Variants in ADGRV1 observed in about 807,000 individuals in gnomAD.
ADGRV1 encodes G-protein coupled receptor 98.
ADGRV1 carries 359 observed loss-of-function variants against 596.2 expected under a neutral mutation model. The observed-to-expected ratio is 0.60, with a 90% CI of 0.55 to 0.66. The LOEUF (loss-of-function observed/expected upper bound fraction) is 0.66. Ranked by LOEUF, ADGRV1 falls within the 30% of genes least tolerant of loss-of-function variation. The pLI is 0.00. For synonymous variants in ADGRV1, 2,681 were observed against 2,679.2 expected, an observed-to-expected ratio of 1.00 and a Z score of -0.02; for missense variants, 7,274 against 7,575.6, an observed-to-expected ratio of 0.96 and a Z score of 1.48.
intron 85 of ADGRV1, among the ~76,000 whole-genome samples, chr5:91,054,112 A>G (rs952017337): frequency 6.7e-6 from 1 of 149,282 alleles, no homozygotes; most frequent in African/African-American, 2.5e-5. Context: ...TGAGAGAGAG[A>G]GAGAGAGAGA....
chr5:90,941,402 A>G (rs983139819), intron 83 of ADGRV1, among the ~76,000 whole-genome samples: 8 of 152,206 alleles, frequency 5.3e-5, no homozygotes, highest in African/African-American at 1.9e-4. Context: ...AATGAGAATG[A>G]CTTTTAAGAA....
At chr5:91,079,748 C>T (rs1789174819) in intron 86 of ADGRV1, among the ~76,000 whole-genome samples, 1 of 152,170 alleles carries the variant, frequency 6.6e-6, no homozygotes, top group Non-Finnish European at 1.5e-5. Flanking sequence ...TGCCTTTTAC[C>T]AGTCTCAATT....
At chr5:91,116,529 T>A (rs556347685) in intron 87 of ADGRV1, among the ~76,000 whole-genome samples, 3 of 152,210 alleles carry the variant, frequency 2.0e-5, no homozygotes, top group Non-Finnish European at 2.9e-5. Flanking sequence ...TAGTGTATCA[T>A]TGAAATCAGT....
rs957069814 is a variant in ADGRV1 at position 90,818,674 on chromosome 5, A to C, written c.16196+2938A>C. On this transcript the variant is annotated intron_variant, in intron 75 of 89. Coordinates refer to ENST00000405460, the MANE Select transcript of ADGRV1 (RefSeq NM_032119.4). Reference sequence around the variant, plus strand: ...TTTTTCTGCATCTATTGAGATAATCATGTGGTTTTTGTCTTTGGCTCTGTT... The same window carrying C: ...TTTTTCTGCATCTATTGAGATAATCCTGTGGTTTTTGTCTTTGGCTCTGTT... Among the ~76,000 whole-genome samples the C allele has an allele frequency of 4.9e-4, 73 of 149,512 alleles. No individual in the cohort carries two copies. The Middle Eastern group carries it at 0.011, about 22-fold the overall frequency.
At chr5:91,045,878 A>G (rs1785763197) in intron 85 of ADGRV1, among the ~76,000 whole-genome samples, 1 of 152,204 alleles carries the variant, frequency 6.6e-6, no homozygotes, top group Non-Finnish European at 1.5e-5. Context: ...ATACACCAAC[A>G]GCGACCAAGC....
chr5:90,948,738 T>C (rs114391699), intron 83 of ADGRV1, among the ~76,000 whole-genome samples: 1,723 of 152,198 alleles, frequency 0.011, 34 homozygotes, highest in African/African-American at 0.039. Flanking sequence ...CACAAAATCA[T>C]CTAACGCAAA....
intron 7 of ADGRV1, 74 bp from the exon 8 acceptor site, chr5:90,628,488 G>T: frequency 7.9e-7 from 1 of 1,265,204 alleles, no homozygotes; most frequent in South Asian, 1.2e-5. Flanking sequence ...TGGACAACTT[G>T]ACATTGGGAA....
intron 83 of ADGRV1, among the ~76,000 whole-genome samples, chr5:90,926,639 T>A (rs1463408575): frequency 6.6e-6 from 1 of 151,942 alleles, no homozygotes; most frequent in Non-Finnish European, 1.5e-5. Context: ...TTCCTTCAGT[T>A]CTGCTCTGAT....
At position 90,783,928 on chromosome 5, in the gene ADGRV1, TAA is replaced by T; in HGVS notation, c.13525_13526del (p.Lys4509GlufsTer2). On this transcript the variant is annotated frameshift_variant, in exon 67 of 90. Coordinates refer to ENST00000405460, the MANE Select transcript of ADGRV1 (RefSeq NM_032119.4). LOFTEE classifies it high-confidence loss of function. ...ACCTAGTGAGCAGAATCATAATAGC[TAA>T]GAGTGACTCTCCCTTTGGAGTTATA... Reference protein sequence around the residue: ...RHLVSRIIIAKSDSPFGVIRF... With the variant: ...RHLVSRIIIAXSDSPFGVIRF... 1 of 1,612,492 alleles carries T rather than the reference TAA, an allele frequency of 6.2e-7. No individual in the cohort carries two copies. Among genetic ancestry groups the T allele is most frequent in the East Asian group, 2.2e-5 (1 of 44,824 alleles).
intron 87 of ADGRV1, among the ~76,000 whole-genome samples, chr5:91,128,778 A>C (rs1248864973): frequency 2.6e-5 from 4 of 152,202 alleles, no homozygotes; most frequent in Non-Finnish European, 5.9e-5. Flanking sequence ...TGTGTTCCCA[A>C]TACTTAGCAC....
At chr5:90,987,469 C>CAAAA (rs11442398) in intron 85 of ADGRV1, among the ~76,000 whole-genome samples, 2 of 94,966 alleles carry the variant, frequency 2.1e-5, no homozygotes, top group African/African-American at 3.7e-5. Context: ...GACTCTGACT[C>CAAAA]AAAAAAAAAA....
chr5:90,926,391 T>G (rs1393573327), intron 83 of ADGRV1, among the ~76,000 whole-genome samples: 1 of 149,298 alleles, frequency 6.7e-6, no homozygotes, highest in Non-Finnish European at 1.5e-5. Context: ...ATTTATCCAT[T>G]TCTTCTAGAT....
intron 2 of ADGRV1, among the ~76,000 whole-genome samples, chr5:90,615,538 A>AT (rs1466862079): frequency 2.3e-4 from 35 of 152,052 alleles, no homozygotes; most frequent in African/African-American, 7.7e-4. Flanking sequence ...TTGTGTGTGC[A>AT]TAAGTATGTG....
intron 85 of ADGRV1, among the ~76,000 whole-genome samples, chr5:91,062,379 G>A (rs937397112): frequency 2.0e-5 from 3 of 152,208 alleles, no homozygotes; most frequent in African/African-American, 7.2e-5. Context: ...AAGAATCGTT[G>A]TCTCTGAGGC....
chr5:90,725,810 G>A (rs1187004502), intron 48 of ADGRV1, among the ~76,000 whole-genome samples, 154 bp downstream of exon 48: 1 of 152,076 alleles, frequency 6.6e-6, no homozygotes, highest in African/African-American at 2.4e-5. Context: ...TTAGTTAAAA[G>A]TTAATTTTTA....
At chr5:90,818,044 G>A (rs1039667797) in intron 75 of ADGRV1, among the ~76,000 whole-genome samples, 1 of 151,770 alleles carries the variant, frequency 6.6e-6, no homozygotes, top group Admixed American at 6.6e-5. Context: ...TCCTACCCAT[G>A]AGCATGGAAT....
chr5:90,623,295 C>A (rs1167569729), intron 5 of ADGRV1, among the ~76,000 whole-genome samples: 1 of 152,150 alleles, frequency 6.6e-6, no homozygotes, highest in Non-Finnish European at 1.5e-5. Context: ...AATGTTAATT[C>A]TATAAAATTC....
chr5:90,904,812 G>A (rs1054810866), intron 83 of ADGRV1, among the ~76,000 whole-genome samples: 2 of 152,096 alleles, frequency 1.3e-5, no homozygotes, highest in Non-Finnish European at 1.5e-5. Context: ...ATTTTGCCTA[G>A]ACCAATGTCC....
chr5:90,696,992 T>C lies in ADGRV1; in HGVS notation c.8001T>C (p.Asp2667=), dbSNP rs2149656502. ...LTILDDSEPE[D]DESIIVSLVY... is the part of the protein sequence containing the mutation. ...TCTTGGATGACTCTGAACCAGAGGA[T>C]GACGAAAGTATCATAGTTAGTTTGG... The change falls in exon 34 of 90, where the codon GAT becomes GAC. Residue 2667 remains aspartate, a synonymous_variant. Coordinates refer to ENST00000405460, the MANE Select transcript of ADGRV1 (RefSeq NM_032119.4). 1.2e-6 allele frequency: 2 copies of C among 1,613,226 alleles called. No homozygotes were observed. The highest frequency in any genetic ancestry group is 1.7e-6 in the Non-Finnish European group (2 of 1,179,370).
Sources: gnomAD v4.1 joint callset for allele counts (sites outside exome capture counted in the v4.1 genomes callset) on GRCh38, gnomAD v4.1.1 for gene constraint, MANE v1.5 for transcripts, NCBI Gene and HGNC (gene_info 2026-07-23, HGNC 2026-07-21) for gene names.